The following SGCD variants were observed in gnomAD, a reference collection of about 807,000 sequenced individuals.
SGCD encodes sarcoglycan delta.
In SGCD, 18 loss-of-function variants were observed where a neutral mutation model predicts 36.6. That is an observed-to-expected ratio of 0.49 (90% CI 0.34 to 0.73). The LOEUF is 0.73. Among genes scored for constraint, SGCD ranks in the 30% least tolerant of loss-of-function variants. The probability of loss-of-function intolerance (pLI) is 0.01; values close to 1 mark genes in which losing one functional copy is unlikely to be tolerated. For missense variants in SGCD, 387 were observed against 346.7 expected, an observed-to-expected ratio of 1.12 and a Z score of -0.92; for synonymous variants, 133 against 130.6, an observed-to-expected ratio of 1.02 and a Z score of -0.12.
intron 1 of SGCD, among the ~76,000 whole-genome samples, chr5:155,961,499 A>G (rs999956815): frequency 4.6e-5 from 7 of 152,120 alleles, no homozygotes; most frequent in Non-Finnish European, 8.8e-5. Flanking sequence ...TTGGCATTTA[A>G]TTGGTCGGCA....
rs905826299 is a variant in SGCD, at chr5:156,608,143, C to T, written c.502+13092C>T. On this transcript the variant is annotated intron_variant, in intron 6 of 8. Transcript: ENST00000337851. The stretch of plus-strand genomic sequence containing the variant: ...CCTTTTAATTGTGATGTTAGTGTGT[C>T]AATTTTAGATCTTTCCTGCTTTCTC... Among the ~76,000 whole-genome samples, 24 of 152,136 alleles carry T rather than the reference C, an allele frequency of 1.6e-4. No homozygotes were observed. In the South Asian group the frequency reaches 2.1e-3, roughly 13 times the overall value.
intron 4 of SGCD, among the ~76,000 whole-genome samples, chr5:156,568,308 C>T (rs7718591): frequency 0.22 from 34,022 of 152,092 alleles, 4,598 homozygotes; most frequent in Non-Finnish European, 0.31. Flanking sequence ...CGCTTGAACC[C>T]GGGAGGCAGA....
chr5:156,145,941 T>C (rs182042815), intron 3 of SGCD, among the ~76,000 whole-genome samples: 70 of 152,232 alleles, frequency 4.6e-4, no homozygotes, highest in South Asian at 1.2e-3. Context: ...AGGCCAGGCG[T>C]GGTGGCTCAT....
At chr5:155,838,315 AG>A in the SGCD span, among the ~76,000 whole-genome samples, 21 of 152,196 alleles carry the variant, frequency 1.4e-4, no homozygotes, top group African/African-American at 5.1e-4. Context: ...GATTCAAAAA[AG>A]GTCCTCACAT....
At chr5:156,002,379 C>A (rs1308869605) in intron 1 of SGCD, among the ~76,000 whole-genome samples, 1 of 152,216 alleles carries the variant, frequency 6.6e-6, no homozygotes, top group African/African-American at 2.4e-5. Context: ...GAGAAAATAA[C>A]AACTTTGTTG....
intron 4 of SGCD, among the ~76,000 whole-genome samples, chr5:156,515,114 T>G (rs1454978369): frequency 1.3e-5 from 2 of 152,146 alleles, no homozygotes; most frequent in African/African-American, 4.8e-5. Flanking sequence ...CAGTAGCTTT[T>G]AGTTTAAAAT....
chr5:156,143,921 T>C lies in SGCD; in HGVS notation c.-44+19902T>C, dbSNP rs1762640104. The stretch of plus-strand genomic sequence containing the variant: ...CCCCAAAACAGACCCCGGAGTGTGA[T>C]GTTCCCCTTCCTGTGTCCATGTTTT... On this transcript the variant is annotated intron_variant, in intron 3 of 9. Coordinates refer to the SGCD transcript ENST00000517913. Among the ~76,000 whole-genome samples the C allele has an allele frequency of 4.0e-5, 5 of 125,488 alleles. No individual in the cohort carries two copies. In the South Asian group the frequency reaches 7.6e-4, roughly 19 times the overall value. The allele number at this position is 125,488 out of a possible 152,430, so 82.3% of individuals were successfully genotyped here. A position where few individuals can be genotyped will look rare whatever the true frequency, so the allele number is the denominator to read the frequency against.
intron 3 of SGCD, among the ~76,000 whole-genome samples, chr5:156,241,749 CTACTTGATGCCAA>C (rs1765312008): frequency 6.6e-6 from 1 of 152,190 alleles, no homozygotes; most frequent in African/African-American, 2.4e-5. Context: ...CATGGAGCGA[CTACTTGATGCCAA>C]TCACTATGCT....
intron 1 of SGCD, among the ~76,000 whole-genome samples, chr5:156,098,087 C>A (rs930114870): frequency 2.6e-5 from 4 of 152,172 alleles, no homozygotes; most frequent in African/African-American, 9.7e-5. Context: ...ACAGGCACCC[C>A]CTACTCCATT....
chr5:156,372,544 G>A (rs1405858092), intron 3 of SGCD, among the ~76,000 whole-genome samples: 4 of 152,038 alleles, frequency 2.6e-5, no homozygotes, highest in Non-Finnish European at 4.4e-5. Context: ...AATTATAGGA[G>A]CACATATAAT....
chr5:156,530,881 A>T (rs947821636), intron 4 of SGCD, among the ~76,000 whole-genome samples: 2 of 151,986 alleles, frequency 1.3e-5, no homozygotes, highest in Admixed American at 6.6e-5. Flanking sequence ...TCTGGCCGCC[A>T]TGCTTTATTT....
intron 6 of SGCD, among the ~76,000 whole-genome samples, chr5:156,601,981 G>A (rs960794508): frequency 2.4e-4 from 36 of 151,974 alleles, no homozygotes; most frequent in Admixed American, 3.9e-4. Flanking sequence ...GAGCCTGGCC[G>A]TGTCATTGGT....
At chr5:156,299,576 T>C (rs895950964) in intron 3 of SGCD, among the ~76,000 whole-genome samples, 1 of 152,170 alleles carries the variant, frequency 6.6e-6, no homozygotes, top group Non-Finnish European at 1.5e-5. Context: ...CATGGAAATA[T>C]TTTTTCCATT....
intron 1 of SGCD, among the ~76,000 whole-genome samples, chr5:155,912,650 A>G (rs1345230888): frequency 6.6e-6 from 1 of 152,084 alleles, no homozygotes; most frequent in Non-Finnish European, 1.5e-5. Flanking sequence ...TGTTTCCCTC[A>G]TTACATGGCT....
chr5:155,858,915 ATG>A, the SGCD span, among the ~76,000 whole-genome samples: 2 of 144,464 alleles, frequency 1.4e-5, no homozygotes, highest in Admixed American at 7.2e-5. Flanking sequence ...TGAGAATTGA[ATG>A]TGTTATGGTT....
chr5:156,336,941 G>C (rs529932514), intron 2 of SGCD, among the ~76,000 whole-genome samples: 1 of 152,168 alleles, frequency 6.6e-6, no homozygotes, highest in Admixed American at 6.5e-5. Flanking sequence ...CCATTCCTGG[G>C]CTAGTTCACA....
intron 3 of SGCD, among the ~76,000 whole-genome samples, chr5:156,276,693 G>A (rs1766326790): frequency 6.6e-6 from 1 of 151,988 alleles, no homozygotes; most frequent in African/African-American, 2.4e-5. Flanking sequence ...CTGGAAACAT[G>A]GTCTCTGCAT....
chr5:156,167,095 C>T (rs949023294), intron 3 of SGCD, among the ~76,000 whole-genome samples: 3 of 152,128 alleles, frequency 2.0e-5, no homozygotes, highest in Non-Finnish European at 4.4e-5. Flanking sequence ...GAACACACTT[C>T]TGGCCTCAAC....
intron 7 of SGCD, among the ~76,000 whole-genome samples, chr5:156,711,668 T>G (rs1438076840): frequency 1.3e-5 from 2 of 152,200 alleles, no homozygotes; most frequent in African/African-American, 4.8e-5. Flanking sequence ...ATTTTTGAAA[T>G]CAGCTTTTAT....
Sources: allele counts gnomAD v4.1 joint callset (sites outside exome capture counted in the v4.1 genomes callset), GRCh38; gene constraint gnomAD v4.1.1; transcripts MANE v1.5; gene names NCBI Gene and HGNC (gene_info 2026-07-23, HGNC 2026-07-21).